The following SGCD variants were observed in gnomAD, a reference collection of about 807,000 sequenced individuals.
SGCD encodes sarcoglycan delta.
SGCD carries 18 observed loss-of-function variants against 36.6 expected under a neutral mutation model. The ratio of observed to expected loss-of-function variants is 0.49; its 90% CI spans 0.34 to 0.73. The LOEUF (loss-of-function observed/expected upper bound fraction) is 0.73, where lower values mean the gene tolerates loss of function less well. Ranked by LOEUF, SGCD falls within the 30% of genes least tolerant of loss-of-function variation. The probability of loss-of-function intolerance (pLI) is 0.01; values close to 1 mark genes in which losing one functional copy is unlikely to be tolerated. For synonymous variants in SGCD, 133 were observed against 130.6 expected (o/e 1.02, Z -0.12); for missense variants, 387 against 346.7 (o/e 1.12, Z -0.92).
chr5:156,206,410 G>A (rs932446554), intron 3 of SGCD, among the ~76,000 whole-genome samples: 5 of 151,936 alleles, frequency 3.3e-5, no homozygotes, highest in African/African-American at 1.2e-4. Context: ...TATATATAGA[G>A]TATTCTTAGG....
the SGCD span, among the ~76,000 whole-genome samples, chr5:155,842,253 T>TG: frequency 5.3e-5 from 8 of 150,914 alleles, no homozygotes; most frequent in South Asian, 2.1e-4. Context: ...GGTGTTTTTT[T>TG]TTTTTTTTTT....
chr5:155,933,363 G>A (rs1046143635), intron 1 of SGCD, among the ~76,000 whole-genome samples: 10 of 152,094 alleles, frequency 6.6e-5, no homozygotes, highest in Non-Finnish European at 1.3e-4. Flanking sequence ...GTACTTATCA[G>A]AAACTGCAAT....
chr5:156,233,986 A>G (rs190315687), intron 3 of SGCD, among the ~76,000 whole-genome samples: 1 of 152,250 alleles, frequency 6.6e-6, no homozygotes, highest in Non-Finnish European at 1.5e-5. Context: ...TTCCAAAGTG[A>G]CTTACTATTT....
At chr5:156,468,698 A>T (rs530004202) in intron 3 of SGCD, among the ~76,000 whole-genome samples, 2 of 152,218 alleles carry the variant, frequency 1.3e-5, no homozygotes, top group South Asian at 4.1e-4. Flanking sequence ...GGGATATTAA[A>T]TACAATAATG....
At chr5:156,100,767 T>C (rs1422952395) in intron 1 of SGCD, among the ~76,000 whole-genome samples, 1 of 152,196 alleles carries the variant, frequency 6.6e-6, no homozygotes, top group African/African-American at 2.4e-5. Context: ...AATACATGCA[T>C]TTTTAAATTT....
intron 3 of SGCD, among the ~76,000 whole-genome samples, chr5:156,127,854 C>CAAAAAAAAAAA (rs56822746): frequency 2.2e-4 from 4 of 18,446 alleles, no homozygotes; most frequent in African/African-American, 4.1e-4. Context: ...AACATAAATG[C>CAAAAAAAAAAA]AAAAAAAAAA....
chr5:155,782,964 A>G, the SGCD span, among the ~76,000 whole-genome samples: 1 of 152,136 alleles, frequency 6.6e-6, no homozygotes, highest in African/African-American at 2.4e-5. Context: ...AAAATGATGC[A>G]TAAGGAGATA....
chr5:156,697,885 G>T, intron 7 of SGCD, among the ~76,000 whole-genome samples: 1 of 152,114 alleles, frequency 6.6e-6, no homozygotes, highest in East Asian at 1.9e-4. Flanking sequence ...ATTTCCATGG[G>T]ATAAAAACTG....
At chr5:156,038,293 A>T (rs1450448914) in intron 1 of SGCD, among the ~76,000 whole-genome samples, 1 of 152,208 alleles carries the variant, frequency 6.6e-6, no homozygotes, top group African/African-American at 2.4e-5. Flanking sequence ...CATGAAAGAC[A>T]GGGAAAGATG....
At chr5:156,540,324 T>C (rs1190394737) in intron 4 of SGCD, among the ~76,000 whole-genome samples, 1 of 152,130 alleles carries the variant, frequency 6.6e-6, no homozygotes, top group African/African-American at 2.4e-5. Context: ...TTAGGATTTT[T>C]CTGTGTGTTT....
the SGCD span, among the ~76,000 whole-genome samples, chr5:155,824,886 A>G: frequency 6.6e-6 from 1 of 152,220 alleles, no homozygotes. Context: ...ATCAGTAAAA[A>G]TTAGAGGACA....
intron 3 of SGCD, among the ~76,000 whole-genome samples, chr5:156,278,257 G>C (rs1266834754): frequency 6.6e-6 from 1 of 152,118 alleles, no homozygotes; most frequent in Non-Finnish European, 1.5e-5. Flanking sequence ...TTTGAACCAT[G>C]GTAAGAGCCT....
At chr5:156,557,460 TAGG>T (rs1759074736) in intron 4 of SGCD, among the ~76,000 whole-genome samples, 1 of 152,196 alleles carries the variant, frequency 6.6e-6, no homozygotes, top group Non-Finnish European at 1.5e-5. Flanking sequence ...CATACTAGAA[TAGG>T]AGTCAGCAAA....
At chr5:156,520,321 A>T (rs78052217) in intron 4 of SGCD, among the ~76,000 whole-genome samples, 372 of 152,332 alleles carry the variant, frequency 2.4e-3, no homozygotes, top group Non-Finnish European at 4.5e-3. Flanking sequence ...AAATGGAAGG[A>T]TCTCCTCAGG....
At chr5:156,483,698 G>A (rs1755538127) in intron 3 of SGCD, among the ~76,000 whole-genome samples, 1 of 152,204 alleles carries the variant, frequency 6.6e-6, no homozygotes, top group Admixed American at 6.5e-5. Flanking sequence ...ATGGACTATG[G>A]TGAGTAAAAT....
intron 3 of SGCD, among the ~76,000 whole-genome samples, chr5:156,206,600 G>C (rs1764284405): frequency 1.3e-5 from 2 of 151,990 alleles, no homozygotes; most frequent in African/African-American, 4.8e-5. Flanking sequence ...AGACCAGTGT[G>C]GTTAAATGGC....
intron 7 of SGCD, among the ~76,000 whole-genome samples, chr5:156,754,418 A>C (rs1303817111): frequency 1.3e-5 from 2 of 152,268 alleles, no homozygotes; most frequent in Non-Finnish European, 2.9e-5. Flanking sequence ...ATAAGTTATA[A>C]GAAATACTGT....
chr5:155,812,701 G>A, the SGCD span, among the ~76,000 whole-genome samples: 1 of 152,172 alleles, frequency 6.6e-6, no homozygotes, highest in African/African-American at 2.4e-5. Flanking sequence ...AAGAACCAAT[G>A]TATGAGTCCA....
intron 3 of SGCD, among the ~76,000 whole-genome samples, chr5:156,202,753 CTTT>C (rs11324693): frequency 1.2e-3 from 131 of 112,242 alleles, no homozygotes; most frequent in African/African-American, 3.7e-3. Flanking sequence ...GCAGAGGTTC[CTTT>C]TTTTTTTTTT....
Sources: gnomAD v4.1 joint callset for allele counts (sites outside exome capture counted in the v4.1 genomes callset) on GRCh38, gnomAD v4.1.1 for gene constraint, MANE v1.5 for transcripts, NCBI Gene and HGNC (gene_info 2026-07-23, HGNC 2026-07-21) for gene names.